Variants in PLCB1 observed in about 807,000 individuals in gnomAD.
The protein encoded by PLCB1 is phospholipase C beta 1, also known as 1-phosphatidylinositol 4,5-bisphosphate phosphodiesterase beta-1.
In PLCB1, 46 loss-of-function variants were observed where a neutral mutation model predicts 161.8. The observed-to-expected ratio is 0.28, with a 90% CI of 0.22 to 0.36. The LOEUF is 0.36. Among genes scored for constraint, PLCB1 ranks in the 10% least tolerant of loss-of-function variants. PLCB1 has a pLI of 1.00. For missense variants in PLCB1, 1,016 were observed against 1,472.5 expected (o/e 0.69, Z 5.07); for synonymous variants, 517 against 503.7 (o/e 1.03, Z -0.35).
At chr20:8,333,485 T>TCCAACTAGG (rs1985449363) in intron 2 of PLCB1, among the ~76,000 whole-genome samples, 1 of 152,162 alleles carries the variant, frequency 6.6e-6, no homozygotes, top group African/African-American at 2.4e-5. Context: ...AGCAATGTTT[T>TCCAACTAGG]CCAACTAGGG....
intron 31 of PLCB1, among the ~76,000 whole-genome samples, chr20:8,835,548 A>T: frequency 6.6e-6 from 1 of 152,262 alleles, no homozygotes; most frequent in Non-Finnish European, 1.5e-5. Context: ...TTTATGAAAC[A>T]AAGAATTCCA....
intron 3 of PLCB1, among the ~76,000 whole-genome samples, chr20:8,377,806 A>T (rs1013470602): frequency 1.3e-5 from 2 of 152,190 alleles, no homozygotes; most frequent in African/African-American, 4.8e-5. Flanking sequence ...TTGGTTCTGG[A>T]TATTTAAATG....
intron 24 of PLCB1, among the ~76,000 whole-genome samples, chr20:8,759,873 A>G (rs1318689475): frequency 2.8e-5 from 4 of 143,558 alleles, no homozygotes; most frequent in Non-Finnish European, 3.1e-5. Flanking sequence ...TTCTCTCGTT[A>G]TAAATGGGGC....
At chr20:8,334,299 C>A (rs770561856) in intron 2 of PLCB1, among the ~76,000 whole-genome samples, 5 of 152,142 alleles carry the variant, frequency 3.3e-5, no homozygotes, top group Non-Finnish European at 7.3e-5. Context: ...AGTTAATAAG[C>A]CCCTGCAAGC....
intron 3 of PLCB1, among the ~76,000 whole-genome samples, chr20:8,510,381 TTC>T (rs897148638): frequency 1.5e-5 from 2 of 130,466 alleles, no homozygotes; most frequent in African/African-American, 5.5e-5. Context: ...TCTTTTCTTT[TTC>T]TTTTTTTTTT....
chr20:8,330,250 T>C (rs1985316540), intron 2 of PLCB1, among the ~76,000 whole-genome samples: 1 of 152,152 alleles, frequency 6.6e-6, no homozygotes, highest in African/African-American at 2.4e-5. Flanking sequence ...TTATAGACAA[T>C]GTAGAGAGCA....
At chr20:8,375,955 A>G (rs1987063212) in intron 3 of PLCB1, among the ~76,000 whole-genome samples, 1 of 151,814 alleles carries the variant, frequency 6.6e-6, no homozygotes. Flanking sequence ...AAAAAAAAAA[A>G]AAAAAAAAAG....
intron 1 of PLCB1, among the ~76,000 whole-genome samples, chr20:8,146,105 G>GTT (rs58227641): frequency 7.1e-6 from 1 of 141,744 alleles, no homozygotes. Context: ...TGTTTTTTTT[G>GTT]TTTTTTTTTT....
At chr20:8,579,498 G>A (rs1321632489) in intron 3 of PLCB1, among the ~76,000 whole-genome samples, 3 of 152,164 alleles carry the variant, frequency 2.0e-5, no homozygotes, top group Non-Finnish European at 4.4e-5. Flanking sequence ...GGGTTAGTTC[G>A]TTACATGGCA....
At chr20:8,300,791 C>T (rs1600297809) in intron 2 of PLCB1, among the ~76,000 whole-genome samples, 1 of 152,066 alleles carries the variant, frequency 6.6e-6, no homozygotes. Context: ...GTTAAGTGTT[C>T]AGTAAATGTG....
chr20:8,277,457 T>C (rs557179766), intron 2 of PLCB1, among the ~76,000 whole-genome samples: 3 of 152,242 alleles, frequency 2.0e-5, no homozygotes, highest in South Asian at 4.1e-4. Context: ...AATGCTACTC[T>C]AAGATATTTC....
chr20:8,167,548 A>G (rs1000447063), intron 2 of PLCB1, among the ~76,000 whole-genome samples: 3 of 152,198 alleles, frequency 2.0e-5, no homozygotes, highest in African/African-American at 7.2e-5. Flanking sequence ...GTAGTGCATT[A>G]TCACTTCTAA....
intron 2 of PLCB1, among the ~76,000 whole-genome samples, chr20:8,271,130 G>A (rs1411790677): frequency 6.6e-6 from 1 of 152,100 alleles, no homozygotes; most frequent in Admixed American, 6.6e-5. Flanking sequence ...TGTCTACAAT[G>A]TTTCACTGAC....
intron 3 of PLCB1, among the ~76,000 whole-genome samples, chr20:8,544,122 G>A (rs537668342): frequency 6.0e-4 from 91 of 152,172 alleles, no homozygotes; most frequent in Middle Eastern, 3.4e-3. Flanking sequence ...TCAGCATCAC[G>A]CAGTATACCT....
chr20:8,833,366 A>G (rs1986107011), intron 31 of PLCB1, among the ~76,000 whole-genome samples: 1 of 152,190 alleles, frequency 6.6e-6, no homozygotes, highest in African/African-American at 2.4e-5. Flanking sequence ...ATTCACTATC[A>G]TGAGAACAGC....
At chr20:8,870,837 A>C (rs1369256054) in intron 31 of PLCB1, among the ~76,000 whole-genome samples, 4 of 152,216 alleles carry the variant, frequency 2.6e-5, no homozygotes, top group African/African-American at 7.2e-5. Context: ...GAATGGTTTA[A>C]TATTTATCTA....
At chr20:8,824,323 C>T (rs1275000436) in intron 31 of PLCB1, among the ~76,000 whole-genome samples, 1 of 152,126 alleles carries the variant, frequency 6.6e-6, no homozygotes, top group Non-Finnish European at 1.5e-5. Flanking sequence ...GCATAGACCC[C>T]AGAACCTGTT....
At chr20:8,262,261 T>C (rs1405136812) in intron 2 of PLCB1, among the ~76,000 whole-genome samples, 1 of 151,610 alleles carries the variant, frequency 6.6e-6, no homozygotes, top group Non-Finnish European at 1.5e-5. Context: ...TTTTTTTTTA[T>C]TGTATTTTCA....
At chr20:8,627,850 A>C (rs1963349795) in intron 3 of PLCB1, among the ~76,000 whole-genome samples, 1 of 152,240 alleles carries the variant, frequency 6.6e-6, no homozygotes, top group Non-Finnish European at 1.5e-5. Context: ...GAGCAGGTCT[A>C]CGCTGAGAGC....
Sources: gnomAD v4.1 joint callset for allele counts (sites outside exome capture counted in the v4.1 genomes callset) on GRCh38, gnomAD v4.1.1 for gene constraint, MANE v1.5 for transcripts, NCBI Gene and HGNC (gene_info 2026-07-23, HGNC 2026-07-21) for gene names.